Variants in GFOD1 observed in about 807,000 individuals in gnomAD.
GFOD1 encodes the protein Gfo/Idh/MocA-like oxidoreductase domain containing 1.
A neutral mutation model predicts 25.4 loss-of-function variants in GFOD1; 9 were observed. That is an observed-to-expected ratio of 0.35 (90% CI 0.21 to 0.62). GFOD1 has a LOEUF of 0.62. GFOD1 is among the 20% of genes least tolerant of loss of function. The probability of loss-of-function intolerance (pLI) is 0.72; values close to 1 mark genes in which losing one functional copy is unlikely to be tolerated. For synonymous variants in GFOD1, 253 were observed against 245.6 expected, an observed-to-expected ratio of 1.03 and a Z score of -0.28; for missense variants, 403 against 556.9, an observed-to-expected ratio of 0.72 and a Z score of 2.78.
intron 1 of GFOD1, among the ~76,000 whole-genome samples, chr6:13,461,986 G>A (rs1208052686): frequency 6.6e-6 from 1 of 152,184 alleles, no homozygotes; most frequent in African/African-American, 2.4e-5. Flanking sequence ...GCAGAGTAGC[G>A]CAACAGCACA....
At chr6:13,443,133 G>A (rs1276532532) in intron 1 of GFOD1, among the ~76,000 whole-genome samples, 1 of 152,174 alleles carries the variant, frequency 6.6e-6, no homozygotes, top group Non-Finnish European at 1.5e-5. Flanking sequence ...CTTCAGTGGG[G>A]GAAGTCACTG....
intron 1 of GFOD1, among the ~76,000 whole-genome samples, chr6:13,472,844 G>A (rs552248372): frequency 8.7e-4 from 132 of 152,320 alleles, no homozygotes; most frequent in African/African-American, 3.1e-3. Flanking sequence ...CCTAGCCAGC[G>A]TAGTAACTTT....
At chr6:13,458,620 C>T (rs71562473) in intron 1 of GFOD1, among the ~76,000 whole-genome samples, 1 of 151,816 alleles carries the variant, frequency 6.6e-6, no homozygotes, top group Non-Finnish European at 1.5e-5. Flanking sequence ...TTTTCCTCTT[C>T]TACAAAATGG....
chr6:13,431,451 C>A (rs910634041), intron 1 of GFOD1, among the ~76,000 whole-genome samples: 1 of 152,184 alleles, frequency 6.6e-6, no homozygotes, highest in East Asian at 1.9e-4. Context: ...CTTGACTAGC[C>A]GCACTTTCAC....
chr6:13,422,390 G>C (rs1354760813), intron 1 of GFOD1, among the ~76,000 whole-genome samples: 3 of 152,186 alleles, frequency 2.0e-5, no homozygotes, highest in Non-Finnish European at 4.4e-5. Context: ...CCCCGTGGAG[G>C]AAACTAGGGT....
chr6:13,473,400 C>T (rs1474002177), intron 1 of GFOD1, among the ~76,000 whole-genome samples: 1 of 152,240 alleles, frequency 6.6e-6, no homozygotes, highest in East Asian at 1.9e-4. Context: ...TCAACTTTTG[C>T]AGTTCTTCCC....
chr6:13,487,318 T>C lies in GFOD1; in HGVS notation c.-428A>G, dbSNP rs1280296777. The C allele has an allele frequency of 5.8e-6, 1 of 171,366 alleles. No homozygotes were observed. The highest frequency in any genetic ancestry group is 1.7e-4 in the East Asian group (1 of 6,056). The allele number at this position is 171,366 out of a possible 1,614,324, so 10.6% of individuals were successfully genotyped here. A position where few individuals can be genotyped will look rare whatever the true frequency, so the allele number is the denominator to read the frequency against. ...CGGGACCGGCTCTCTCCCGCGTCGT[T>C]TGCGCAGCCGGCGAATCGCACAGAC... On this transcript the variant is annotated 5_prime_UTR_variant, in exon 1 of 2. Transcript: ENST00000379287. The surrounding 1 kb of genome is among the most constrained non-coding windows in gnomAD (Gnocchi z 4.9).
chr6:13,413,295 G>C (rs1419259431), intron 1 of GFOD1, among the ~76,000 whole-genome samples: 2 of 152,186 alleles, frequency 1.3e-5, no homozygotes, highest in Admixed American at 1.3e-4. Context: ...TGGCACTATG[G>C]GGAGCAGGCC....
intron 1 of GFOD1, among the ~76,000 whole-genome samples, chr6:13,443,443 A>G (rs1378071276): frequency 2.0e-5 from 3 of 151,872 alleles, no homozygotes; most frequent in Non-Finnish European, 4.4e-5. Context: ...GCTATCAAAC[A>G]GTATCACATG....
intron 1 of GFOD1, among the ~76,000 whole-genome samples, chr6:13,445,113 G>A (rs766715851): frequency 3.3e-5 from 5 of 152,110 alleles, no homozygotes; most frequent in East Asian, 3.9e-4. Flanking sequence ...GACTAAACAC[G>A]GCAAAGGAAG....
chr6:13,372,151 T>C (rs577159140), intron 1 of GFOD1, among the ~76,000 whole-genome samples: 1 of 152,228 alleles, frequency 6.6e-6, no homozygotes, highest in Non-Finnish European at 1.5e-5. Flanking sequence ...GAGAGATACC[T>C]TCCAACCTAT....
chr6:13,454,329 G>A lies in GFOD1; in HGVS notation c.253+32309C>T, dbSNP rs368246486. The stretch of plus-strand genomic sequence containing the variant: ...CACCCAGCTGATGGTACTTTGTTAC[G>A]GCAACTCCCGGAAACTAATATAAGC... On this transcript the variant is annotated intron_variant, in intron 1 of 1. Coordinates refer to ENST00000379287, the MANE Select transcript of GFOD1 (RefSeq NM_018988.4). Among the ~76,000 whole-genome samples the A allele has an allele frequency of 7.9e-4, 121 of 152,240 alleles. 2 individuals are homozygous for A. The South Asian group carries it at 0.023, about 29-fold the overall frequency.
intron 1 of GFOD1, among the ~76,000 whole-genome samples, chr6:13,411,644 G>A (rs1369602266): frequency 1.3e-5 from 2 of 152,212 alleles, no homozygotes; most frequent in East Asian, 1.9e-4. Flanking sequence ...TTCCTCAGAC[G>A]CAGTAACACT....
In GFOD1 at chr6:13,486,789, G is replaced by T. The variant is rs1427698158; in HGVS notation, c.102C>A (p.Arg34=). 6.2e-7 allele frequency: 1 copy of T among 1,614,108 alleles called. No homozygotes were observed. The change falls in exon 1 of 2, where the codon CGC becomes CGA. Residue 34 remains arginine, a synonymous_variant. Transcript: ENST00000379287. ...EGFAVKALWG[R]TQEEAEELAK... is the part of the protein sequence containing the mutation. ...CCAGCTCCTCCGCTTCTTCCTGCGT[G>T]CGGCCCCACAGCGCCTTCACCGCGA...
At chr6:13,442,666 A>G (rs956576644) in intron 1 of GFOD1, among the ~76,000 whole-genome samples, 12 of 152,210 alleles carry the variant, frequency 7.9e-5, no homozygotes, top group African/African-American at 2.9e-4. Flanking sequence ...AATTATGCTA[A>G]ATCTACTCTG....
At chr6:13,469,896 TG>T in intron 1 of GFOD1, 1 of 1,284,100 alleles carries the variant, frequency 7.8e-7, no homozygotes, top group Non-Finnish European at 1.0e-6. Flanking sequence ...ATCTGGCACA[TG>T]GTAAGTACTC....
At position 13,387,539 on chromosome 6, in the gene GFOD1, C is replaced by T. The variant is rs181137791; in HGVS notation, c.254-21877G>A. Among the ~76,000 whole-genome samples the T allele has an allele frequency of 3.3e-5, 5 of 152,278 alleles. No individual in the cohort carries two copies. In the East Asian group the frequency reaches 7.7e-4, roughly 23 times the overall value. On this transcript the variant is annotated intron_variant, in intron 1 of 1. Transcript: ENST00000379287. Reference sequence around the variant, plus strand: ...AACCACATGATTATCTCAATAGATGCAGAAAAGGCCTTCGACAAAATCCAA... The same window carrying T: ...AACCACATGATTATCTCAATAGATGTAGAAAAGGCCTTCGACAAAATCCAA...
At chr6:13,419,045 G>GT (rs1786208044) in intron 1 of GFOD1, among the ~76,000 whole-genome samples, 1 of 152,176 alleles carries the variant, frequency 6.6e-6, no homozygotes, top group South Asian at 2.1e-4. Context: ...CTGGCTTTGT[G>GT]TTTTTCTCAA....
At chr6:13,480,946 G>A (rs2127579617) in intron 1 of GFOD1, among the ~76,000 whole-genome samples, 1 of 152,294 alleles carries the variant, frequency 6.6e-6, no homozygotes, top group South Asian at 2.1e-4. Flanking sequence ...TGTATTCAGT[G>A]AAAATGCATT....
Sources: gnomAD v4.1 joint callset for allele counts (sites outside exome capture counted in the v4.1 genomes callset) on GRCh38, gnomAD v4.1.1 for gene constraint, Gnocchi (gnomAD v3.1) non-coding constraint, MANE v1.5 for transcripts, NCBI Gene and HGNC (gene_info 2026-07-23, HGNC 2026-07-21) for gene names.